Variants in RBFOX1 observed in about 807,000 individuals in gnomAD.
The protein encoded by RBFOX1 is RNA binding fox-1 homolog 1.
RBFOX1 carries 8 observed loss-of-function variants against 57.7 expected under a neutral mutation model. The ratio of observed to expected loss-of-function variants is 0.14; its 90% confidence interval spans 0.08 to 0.25. The LOEUF (loss-of-function observed/expected upper bound fraction) is 0.25, where lower values mean the gene tolerates loss of function less well. RBFOX1 is among the 10% of genes least tolerant of loss of function. RBFOX1 has a pLI of 1.00. For synonymous variants in RBFOX1, 326 were observed against 222.4 expected, an observed-to-expected ratio of 1.47 and a Z score of -4.15; for missense variants, 611 against 548.5, an observed-to-expected ratio of 1.11 and a Z score of -1.14.
Position 7,409,580 on chromosome 16 carries a change from A to T in RBFOX1, c.28-108567A>T, listed in dbSNP as rs1467192729. ...GTGTATGTCTGTGCATTGAATATGT[A>T]TGTGTGCGTAATACATATTACGTTC... On this transcript the variant is annotated intron_variant, in intron 4 of 15. Transcript: ENST00000550418. Among the ~76,000 whole-genome samples, 4 of 152,162 alleles carry T rather than the reference A, an allele frequency of 2.6e-5. No homozygotes were observed. The East Asian group carries it at 7.7e-4, about 29-fold the overall frequency.
intron 2 of RBFOX1, among the ~76,000 whole-genome samples, chr16:6,449,613 G>C (rs1258366919): frequency 2.0e-5 from 3 of 152,344 alleles, no homozygotes; most frequent in African/African-American, 7.2e-5. Flanking sequence ...GATGTGGAAG[G>C]AGTGGTATCA....
intron 4 of RBFOX1, among the ~76,000 whole-genome samples, chr16:7,258,003 A>G (rs2094765538): frequency 6.6e-6 from 1 of 152,218 alleles, no homozygotes; most frequent in Non-Finnish European, 1.5e-5. Flanking sequence ...CAACTCTGAC[A>G]TTTGAGATGT....
chr16:5,840,431 G>A (rs1174345057), intron 3 of RBFOX1, among the ~76,000 whole-genome samples: 2 of 152,194 alleles, frequency 1.3e-5, no homozygotes, highest in African/African-American at 2.4e-5. Flanking sequence ...AGAGGATGCT[G>A]TGCTCTGCGG....
chr16:7,074,407 A>G (rs115722597), intron 4 of RBFOX1, among the ~76,000 whole-genome samples: 1,547 of 152,262 alleles, frequency 0.01, 30 homozygotes, highest in African/African-American at 0.035. Context: ...AAAAGCTGCA[A>G]TTATTTTGCA....
chr16:6,324,111 T>C (rs1198404387), intron 2 of RBFOX1, among the ~76,000 whole-genome samples: 1 of 152,132 alleles, frequency 6.6e-6, no homozygotes, highest in Non-Finnish European at 1.5e-5. Context: ...CTTAATAGTA[T>C]TCATTAAGTA....
chr16:7,234,689 G>GTATATATA (rs58239562), intron 4 of RBFOX1, among the ~76,000 whole-genome samples: 47 of 146,682 alleles, frequency 3.2e-4, no homozygotes, highest in African/African-American at 1.2e-3. Context: ...ATATATATAT[G>GTATATATA]TATATATATA....
In RBFOX1 at chr16:5,306,291, C is replaced by G. The variant is rs76747683; in HGVS notation, c.219+66186C>G. The stretch of plus-strand genomic sequence containing the variant: ...ACAGTCCCTACTAATATTCCAGATA[C>G]TCCCTTTCCAAGGAAGAGGTCTTCT... On this transcript the variant is annotated intron_variant, in intron 1 of 2. Transcript: ENST00000585867. 1.8e-3 allele frequency among the ~76,000 whole-genome samples: 267 copies of G among 151,952 alleles called. 1 individual carries two copies. Among genetic ancestry groups the G allele is most frequent in the African/African-American group, 6.1e-3 (254 of 41,480 alleles).
At chr16:5,595,699 G>A (rs867538913) in intron 2 of RBFOX1, among the ~76,000 whole-genome samples, 1 of 152,120 alleles carries the variant, frequency 6.6e-6, no homozygotes, top group Non-Finnish European at 1.5e-5. Context: ...TACCTCCCTC[G>A]CTGCATCTCT....
intron 3 of RBFOX1, among the ~76,000 whole-genome samples, chr16:6,964,085 C>T (rs538240777): frequency 1.6e-4 from 25 of 152,192 alleles, no homozygotes; most frequent in African/African-American, 5.5e-4. Flanking sequence ...GTGGTGCATT[C>T]TCGGCTCACT....
At chr16:6,514,292 A>G (rs1046438267) in intron 2 of RBFOX1, among the ~76,000 whole-genome samples, 1 of 152,022 alleles carries the variant, frequency 6.6e-6, no homozygotes, top group Non-Finnish European at 1.5e-5. Context: ...ATCTTACCAT[A>G]TTCATCTGAA....
chr16:6,384,458 T>TC (rs1045456411), intron 2 of RBFOX1, among the ~76,000 whole-genome samples: 5 of 152,326 alleles, frequency 3.3e-5, no homozygotes, highest in African/African-American at 1.2e-4. Context: ...TCATTTTTTT[T>TC]CCCTCCCAGA....
chr16:6,872,978 G>T (rs1328810420), intron 3 of RBFOX1, among the ~76,000 whole-genome samples: 1 of 152,038 alleles, frequency 6.6e-6, no homozygotes, highest in Non-Finnish European at 1.5e-5. Context: ...TGAGTATAAT[G>T]CCATTGATTT....
At chr16:6,537,916 C>G (rs979248963) in intron 2 of RBFOX1, among the ~76,000 whole-genome samples, 3 of 151,298 alleles carry the variant, frequency 2.0e-5, no homozygotes, top group African/African-American at 4.9e-5. Flanking sequence ...AAGAACCGGC[C>G]TAAAGAGCAA....
intron 3 of RBFOX1, among the ~76,000 whole-genome samples, chr16:6,657,582 TC>T (rs2098668460): frequency 6.6e-6 from 1 of 152,128 alleles, no homozygotes; most frequent in Non-Finnish European, 1.5e-5. Context: ...TTAGGAAATT[TC>T]ACCACTGGAG....
intron 4 of RBFOX1, among the ~76,000 whole-genome samples, chr16:7,293,388 T>C (rs1222363994): frequency 6.6e-6 from 1 of 152,168 alleles, no homozygotes; most frequent in East Asian, 1.9e-4. Context: ...CAATCACCCA[T>C]GGATAGTGAA....
At chr16:7,026,807 A>G (rs1201316958) in intron 3 of RBFOX1, among the ~76,000 whole-genome samples, 1 of 152,112 alleles carries the variant, frequency 6.6e-6, no homozygotes, top group African/African-American at 2.4e-5. Context: ...GATTTAGAAA[A>G]AGTTTACACA....
intron 4 of RBFOX1, among the ~76,000 whole-genome samples, chr16:7,082,129 T>A (rs11646752): frequency 0.81 from 123,595 of 151,896 alleles, 50,923 homozygotes; most frequent in African/African-American, 0.94. Flanking sequence ...CTTGGTATCC[T>A]AATTCCCTGT....
intron 2 of RBFOX1, among the ~76,000 whole-genome samples, chr16:6,492,892 A>G (rs547909868): frequency 6.6e-6 from 1 of 152,350 alleles, no homozygotes; most frequent in East Asian, 1.9e-4. Context: ...ATTGTTTTAC[A>G]TAGAGGGCAA....
At chr16:5,544,432 G>A (rs1328313411) in intron 2 of RBFOX1, among the ~76,000 whole-genome samples, 1 of 152,096 alleles carries the variant, frequency 6.6e-6, no homozygotes, top group Non-Finnish European at 1.5e-5. Flanking sequence ...AAAGGGAAAT[G>A]TATATAGCAG....
Sources: gnomAD v4.1 joint callset for allele counts (sites outside exome capture counted in the v4.1 genomes callset) on GRCh38, gnomAD v4.1.1 for gene constraint, MANE v1.5 for transcripts, NCBI Gene and HGNC (gene_info 2026-07-23, HGNC 2026-07-21) for gene names.